SPAG17: variants seen among roughly 807,000 people sequenced by gnomAD.
The protein encoded by SPAG17 is sperm associated antigen 17.
A neutral mutation model predicts 273.6 loss-of-function variants in SPAG17; 169 were observed. The observed-to-expected ratio is 0.62, with a 90% CI of 0.55 to 0.70. The LOEUF (loss-of-function observed/expected upper bound fraction) is 0.70. SPAG17 is among the 30% of genes least tolerant of loss of function. The pLI, the probability that SPAG17 is intolerant of heterozygous loss-of-function variation, is 0.00. For missense variants in SPAG17, 2,557 were observed against 2,627.8 expected, an observed-to-expected ratio of 0.97 and a Z score of 0.59; for synonymous variants, 825 against 873.2, an observed-to-expected ratio of 0.94 and a Z score of 0.97.
intron 17 of SPAG17, among the ~76,000 whole-genome samples, chr1:118,069,851 A>G (rs1198653710): frequency 1.2e-4 from 19 of 152,290 alleles, no homozygotes; most frequent in Non-Finnish European, 4.4e-5. Flanking sequence ...GAGGAAACCA[A>G]GAGTGCAGAG....
At chr1:118,071,483 C>G (rs977351105) in intron 17 of SPAG17, among the ~76,000 whole-genome samples, 10 of 151,976 alleles carry the variant, frequency 6.6e-5, no homozygotes, top group African/African-American at 2.4e-4. Context: ...AACCCCATCT[C>G]TACTATAAAT....
At chr1:118,025,027 A>C (rs1170156868) in intron 27 of SPAG17, among the ~76,000 whole-genome samples, 2 of 152,214 alleles carry the variant, frequency 1.3e-5, no homozygotes, top group Non-Finnish European at 2.9e-5. Context: ...GCAATCTTAC[A>C]TCATGCAGAG....
At position 118,008,160 on chromosome 1, in the gene SPAG17, TA is replaced by T; in HGVS notation, c.4470del (p.Cys1490Ter). The T allele has an allele frequency of 6.2e-7, 1 of 1,614,000 alleles. No homozygotes were observed. The highest frequency in any genetic ancestry group is 8.5e-7 in the Non-Finnish European group (1 of 1,179,964). ...GPRTVTRQVK[C>X]MRVESSRYAT... is the part of the protein sequence containing the mutation. ...GCATAGCGTGAGCTTTCTACCCGCA[TA>T]CACTTCACCTGCCTGGTGACAGTCC... On this transcript the variant is annotated frameshift_variant, in exon 31 of 49. Transcript: ENST00000336338. LOFTEE classifies it high-confidence loss of function.
chr1:118,148,157 G>C (rs1259559075), intron 3 of SPAG17, among the ~76,000 whole-genome samples: 1 of 152,180 alleles, frequency 6.6e-6, no homozygotes, highest in African/African-American at 2.4e-5. Context: ...TTTCCTTTGA[G>C]AAATGGGATG....
At chr1:118,143,684 A>G (rs141831023) in intron 3 of SPAG17, among the ~76,000 whole-genome samples, 11 of 152,350 alleles carry the variant, frequency 7.2e-5, no homozygotes, top group Admixed American at 2.0e-4. Flanking sequence ...ACAGTTTTAA[A>G]TACAGAAACA....
intron 30 of SPAG17, among the ~76,000 whole-genome samples, 171 bp downstream of exon 30, chr1:118,012,054 ATAC>A (rs1659528365): frequency 6.6e-6 from 1 of 152,108 alleles, no homozygotes; most frequent in Non-Finnish European, 1.5e-5. Flanking sequence ...GATAATAATA[ATAC>A]TACTAAATCC....
chr1:118,106,808 TAGAC>T (rs1656426485), intron 4 of SPAG17, among the ~76,000 whole-genome samples: 1 of 152,228 alleles, frequency 6.6e-6, no homozygotes, highest in African/African-American at 2.4e-5. Flanking sequence ...CATCATGTGT[TAGAC>T]AGTAAGAGGC....
At chr1:117,992,315 C>A (rs1657187160) in intron 36 of SPAG17, 151 bp downstream of exon 36, 6 of 647,546 alleles carry the variant, frequency 9.3e-6, no homozygotes, top group Non-Finnish European at 1.5e-5. Flanking sequence ...TATTTTCTAC[C>A]TCTCAACCCT....
intron 18 of SPAG17, among the ~76,000 whole-genome samples, chr1:118,066,544 A>G (rs562942693): frequency 1.3e-5 from 2 of 152,352 alleles, no homozygotes; most frequent in South Asian, 4.1e-4. Flanking sequence ...CTTTAGTGGT[A>G]TAGCTCCAAT....
chr1:118,048,182 T>C (rs1650582588), intron 20 of SPAG17, among the ~76,000 whole-genome samples: 1 of 152,022 alleles, frequency 6.6e-6, no homozygotes, highest in Admixed American at 6.5e-5. Context: ...GTGGACCTAT[T>C]TGTAGGCCCA....
At chr1:118,057,637 T>TA (rs566473166) in intron 18 of SPAG17, among the ~76,000 whole-genome samples, 1 of 151,944 alleles carries the variant, frequency 6.6e-6, no homozygotes, top group Non-Finnish European at 1.5e-5. Flanking sequence ...CCAGTTGCAT[T>TA]AAAAAAATAA....
rs973782669 is a variant in SPAG17, at chr1:117,953,792, A to G, written c.*258T>C. 5.0e-6 allele frequency: 3 copies of G among 601,872 alleles called. 1 individual carries two copies. In the African/African-American group the frequency reaches 5.6e-5, roughly 11 times the overall value. 37.3% of individuals were successfully genotyped at this position (601,872 alleles called of 1,614,324 possible). A position where few individuals can be genotyped will look rare whatever the true frequency, so the allele number is the denominator to read the frequency against. On this transcript the variant is annotated 3_prime_UTR_variant, in exon 49 of 49. Transcript: ENST00000336338. Reference sequence around the variant, plus strand: ...ATTCAGAGTGTCTAGATATCATCCCACCTGAGTCCATGACACTCAGTCTCT... The same window carrying G: ...ATTCAGAGTGTCTAGATATCATCCCGCCTGAGTCCATGACACTCAGTCTCT...
At chr1:118,049,170 C>T (rs1650711124) in intron 20 of SPAG17, among the ~76,000 whole-genome samples, 1 of 152,152 alleles carries the variant, frequency 6.6e-6, no homozygotes, top group Non-Finnish European at 1.5e-5. Context: ...ACAAATTCTT[C>T]TCACCCTATG....
At chr1:118,157,843 A>G (rs1420792925) in intron 1 of SPAG17, among the ~76,000 whole-genome samples, 2 of 152,202 alleles carry the variant, frequency 1.3e-5, no homozygotes, top group African/African-American at 4.8e-5. Context: ...TTCTCAGTAC[A>G]GCACCTAGCA....
intron 18 of SPAG17, among the ~76,000 whole-genome samples, chr1:118,065,725 A>G (rs1171731256): frequency 2.0e-5 from 3 of 152,144 alleles, no homozygotes; most frequent in Admixed American, 6.5e-5. Context: ...ATTGATCCAG[A>G]AAAATCATTT....
At chr1:118,056,678 G>C (rs975966328) in intron 18 of SPAG17, among the ~76,000 whole-genome samples, 2 of 152,096 alleles carry the variant, frequency 1.3e-5, no homozygotes, top group Non-Finnish European at 2.9e-5. Flanking sequence ...TTAAGGTTTT[G>C]AAAAAATAAA....
intron 39 of SPAG17, 49 bp downstream of exon 39, chr1:117,988,056 A>G (rs375657949): frequency 2.0e-6 from 3 of 1,510,998 alleles, no homozygotes; most frequent in Non-Finnish European, 1.8e-6. Flanking sequence ...CATTTCCTCA[A>G]TCACTGCATA....
At chr1:118,115,541 A>G (rs1657024080) in intron 3 of SPAG17, 100 bp from the exon 4 acceptor site, 1 of 1,241,398 alleles carries the variant, frequency 8.1e-7, no homozygotes, top group Admixed American at 2.6e-5. Context: ...ATTATTTGTC[A>G]TACTGGAAAG....
rs1271290382 is a variant in SPAG17, at chr1:118,086,019, C to A, written c.1665G>T (p.Leu555Phe). 1.2e-6 allele frequency: 2 copies of A among 1,613,624 alleles called. No homozygotes were observed. The highest frequency in any genetic ancestry group is 2.7e-5 in the African/African-American group (2 of 74,886). Residue 555 changes from leucine (L) to phenylalanine (F), a missense_variant, in exon 13 of 49, where the codon TTG (leucine) becomes TTT (phenylalanine). Physicochemically the swap from Leu to Phe is conservative, Grantham distance 22. Coordinates refer to ENST00000336338, the MANE Select transcript of SPAG17 (RefSeq NM_206996.4). ...GGAATTGAAGAAATTCCCACAGTGG[C>A]AACTTGGACTGCATCTCCTGCTCAA... ...VQIEQEMQSK[L>F]PLWEFLQFPL...
Sources: allele counts gnomAD v4.1 joint callset (sites outside exome capture counted in the v4.1 genomes callset), GRCh38; gene constraint gnomAD v4.1.1; transcripts MANE v1.5; gene names NCBI Gene and HGNC (gene_info 2026-07-23, HGNC 2026-07-21).